Variants in FKBP7 observed in about 807,000 individuals in gnomAD.
FKBP7 encodes FKBP prolyl isomerase 7, also known as peptidyl-prolyl cis-trans isomerase FKBP7.
FKBP7 carries 24 observed loss-of-function variants against 24.3 expected under a neutral mutation model. That is an observed-to-expected ratio of 0.99 (90% CI 0.72 to 1.39). The LOEUF is 1.39. Ranked by LOEUF, FKBP7 falls within the 40% of genes most tolerant of loss-of-function variation. FKBP7 has a pLI of 0.00. For synonymous variants in FKBP7, 98 were observed against 92.8 expected, an observed-to-expected ratio of 1.06 and a Z score of -0.32; for missense variants, 257 against 269.5, an observed-to-expected ratio of 0.95 and a Z score of 0.33.
intron 3 of FKBP7, 52 bp from the exon 4 acceptor site, chr2:178,465,983 C>T (rs1385575080): frequency 1.4e-6 from 2 of 1,452,160 alleles, no homozygotes; most frequent in Non-Finnish European, 1.8e-6. Context: ...CAGTGAATTT[C>T]CAGTAACTTT....
At chr2:178,473,127 CTTCT>C in intron 2 of FKBP7, 1 of 1,297,886 alleles carries the variant, frequency 7.7e-7, no homozygotes, top group South Asian at 1.2e-5. Context: ...AGAAGAAAGA[CTTCT>C]TCAAGTACTA....
chr2:178,469,081 G>C (rs984240832), intron 3 of FKBP7, among the ~76,000 whole-genome samples: 1 of 151,792 alleles, frequency 6.6e-6, no homozygotes. Flanking sequence ...GTGTTGCCCA[G>C]GCTGGTCTTG....
chr2:178,465,993 T>G lies in FKBP7; in HGVS notation c.508-62A>C, dbSNP rs1041709137. On this transcript the variant is annotated intron_variant, in intron 3 of 3. Coordinates refer to ENST00000424785, the MANE Select transcript of FKBP7 (RefSeq NM_181342.3). ...TATCACAGTGAATTTCCAGTAACTT[T>G]AAGGAATAGTTATAATAATGAAACT... 2.2e-6 allele frequency: 3 copies of G among 1,371,214 alleles called. No individual in the cohort carries two copies. The African/African-American group carries it at 4.4e-5, about 20-fold the overall frequency. The allele number at this position is 1,371,214 out of a possible 1,614,324, so 84.9% of individuals were successfully genotyped here.
Position 178,469,905 on chromosome 2 carries a change from C to T in FKBP7, c.374-120G>A, listed in dbSNP as rs79085381. On this transcript the variant is annotated intron_variant, in intron 2 of 3. Coordinates refer to ENST00000424785, the MANE Select transcript of FKBP7 (RefSeq NM_181342.3). ...TGATAAGAATTGCTATCTGAATACT[C>T]ACAATTTTTAATTTTTTCTCATCTT... 9.9e-3 allele frequency: 7,102 copies of T among 720,504 alleles called. 59 individuals carry two copies. The highest frequency in any genetic ancestry group is 0.013 in the Non-Finnish European group (6,328 of 504,726). 44.6% of individuals were successfully genotyped at this position (720,504 alleles called of 1,614,324 possible). A position where few individuals can be genotyped will look rare whatever the true frequency, so the allele number is the denominator to read the frequency against.
intron 2 of FKBP7, among the ~76,000 whole-genome samples, chr2:178,474,709 C>A (rs149681780): frequency 6.1e-4 from 92 of 151,918 alleles, no homozygotes; most frequent in Non-Finnish European, 1.0e-3. Context: ...TTTTTTTGAG[C>A]CAGGGTCTTG....
chr2:178,469,743 A>C lies in FKBP7; in HGVS notation c.416T>G (p.Ile139Ser). The change falls in exon 3 of 4, where the codon ATT (isoleucine) becomes AGT (serine). Residue 139 changes from isoleucine to serine, a missense_variant. Physicochemically the swap from Ile to Ser is moderately radical, Grantham distance 142. Coordinates refer to ENST00000424785, the MANE Select transcript of FKBP7 (RefSeq NM_181342.3). ...IPPDATLIFE[I>S]ELYAVTKGPR... Reference sequence around the variant, plus strand: ...TCCTTTGGTCACAGCATAAAGTTCAATCTCAAAAATCAATGTAGCATCCGG... The same window carrying C: ...TCCTTTGGTCACAGCATAAAGTTCACTCTCAAAAATCAATGTAGCATCCGG... The C allele has an allele frequency of 6.2e-7, 1 of 1,613,922 alleles. No homozygotes were observed. Among genetic ancestry groups the C allele is most frequent in the Non-Finnish European group, 8.5e-7 (1 of 1,179,952 alleles).
chr2:178,463,756 T>C lies in FKBP7; in HGVS notation c.*2014A>G, dbSNP rs1452812356. 2.0e-5 allele frequency: 3 copies of C among 152,190 alleles called. No homozygotes were observed. Among genetic ancestry groups the C allele is most frequent in the African/African-American group, 7.2e-5 (3 of 41,448 alleles). 9.4% of individuals were successfully genotyped at this position (152,190 alleles called of 1,614,324 possible). The stretch of plus-strand genomic sequence containing the variant: ...CCTATTCATGTGGCATTATCTGTCA[T>C]TTTTTAAAAACAAGTTTAAAAGCAC... On this transcript the variant is annotated 3_prime_UTR_variant, in exon 4 of 4. Transcript: ENST00000424785.
At chr2:178,477,031 T>A in intron 2 of FKBP7, 31 bp downstream of exon 2, 1 of 1,502,602 alleles carries the variant, frequency 6.7e-7, no homozygotes, top group South Asian at 1.2e-5. Flanking sequence ...TAAATATAAC[T>A]AAAACAAGAA....
rs772210969 is a variant in FKBP7, at chr2:178,464,299, A to T, written c.*1471T>A. The T allele has an allele frequency of 6.6e-6, 1 of 152,204 alleles. No individual in the cohort carries two copies. Among genetic ancestry groups the T allele is most frequent in the Non-Finnish European group, 1.5e-5 (1 of 68,036 alleles). The allele number at this position is 152,204 out of a possible 1,614,324, so 9.4% of individuals were successfully genotyped here. ...ACAGAGCTATTTACTGTCTGACCAT[A>T]CTTTCCTATATATGCAGTGTAGTAG... On this transcript the variant is annotated 3_prime_UTR_variant, in exon 4 of 4. Coordinates refer to ENST00000424785, the MANE Select transcript of FKBP7 (RefSeq NM_181342.3).
At chr2:178,473,515 G>C (rs1180836876) in intron 2 of FKBP7, among the ~76,000 whole-genome samples, 1 of 152,158 alleles carries the variant, frequency 6.6e-6, no homozygotes, top group Non-Finnish European at 1.5e-5. Flanking sequence ...AGGCAGCCTG[G>C]GTAGTCATTC....
Position 178,465,701 on chromosome 2 carries a change from A to G in FKBP7, c.*69T>C, listed in dbSNP as rs1181520860. The G allele has an allele frequency of 7.3e-7, 1 of 1,374,920 alleles. No individual in the cohort carries two copies. The highest frequency in any genetic ancestry group is 9.6e-7 in the Non-Finnish European group (1 of 1,044,052). 85.2% of individuals were successfully genotyped at this position (1,374,920 alleles called of 1,614,324 possible). ...GAAAAATAGCAAATACAACTTGGAG[A>G]AAAGTGACTTTGTTTTATACATAAA... On this transcript the variant is annotated 3_prime_UTR_variant, in exon 4 of 4. Transcript: ENST00000424785.
chr2:178,469,714 G>C lies in FKBP7; in HGVS notation c.445C>G (p.Arg149Gly). 6.2e-7 allele frequency: 1 copy of C among 1,613,928 alleles called. No homozygotes were observed. The change falls in exon 3 of 4, where the codon CGG becomes GGG. Residue 149 changes from arginine to glycine, a missense_variant. Coordinates refer to ENST00000424785, the MANE Select transcript of FKBP7 (RefSeq NM_181342.3). ...ATTTGTTTAAATGTCTCAATGCTCC[G>C]TGGTCCTTTGGTCACAGCATAAAGT... is the stretch of plus-strand genomic sequence containing the variant. Reference protein sequence around the residue: ...IELYAVTKGPRSIETFKQIDM... With the variant: ...IELYAVTKGPGSIETFKQIDM...
At chr2:178,468,546 C>T (rs1267077695) in intron 3 of FKBP7, among the ~76,000 whole-genome samples, 1 of 151,776 alleles carries the variant, frequency 6.6e-6, no homozygotes, top group African/African-American at 2.4e-5. Flanking sequence ...CGCTTGAGCC[C>T]AGGGGTTTAA....
intron 1 of FKBP7, among the ~76,000 whole-genome samples, chr2:178,477,830 C>T (rs1685053342): frequency 6.6e-6 from 1 of 152,144 alleles, no homozygotes; most frequent in Admixed American, 6.5e-5. Flanking sequence ...CACCAGAAGT[C>T]ACCAGGGAAG....
At position 178,478,399 on chromosome 2, in the gene FKBP7, T is replaced by C. The variant is rs753882588; in HGVS notation, c.101A>G (p.Glu34Gly). The C allele has an allele frequency of 6.2e-7, 1 of 1,614,252 alleles. No individual in the cohort carries two copies. Among genetic ancestry groups the C allele is most frequent in the South Asian group, 1.1e-5 (1 of 91,090 alleles). The change falls in exon 1 of 4, where the codon GAA becomes GGA. Residue 34 changes from glutamate (E) to glycine (G), a missense_variant. Coordinates refer to ENST00000424785, the MANE Select transcript of FKBP7 (RefSeq NM_181342.3). ...QRQKKEESTE[E>G]VKIEVLHRPE... ...ACGATGCAAAACTTCTATTTTCACT[T>C]CTTCGGTGCTCTCCTCTTTCTTTTG...
chr2:178,471,805 G>A (rs957965043), intron 2 of FKBP7, among the ~76,000 whole-genome samples: 32 of 152,294 alleles, frequency 2.1e-4, no homozygotes, highest in Admixed American at 2.0e-3. Flanking sequence ...AAAAGAGTTT[G>A]TGAGTTATAG....
chr2:178,466,838 A>G (rs1684676488), intron 3 of FKBP7, among the ~76,000 whole-genome samples: 2 of 152,226 alleles, frequency 1.3e-5, no homozygotes, highest in African/African-American at 4.8e-5. Context: ...GCAATGCACA[A>G]TCATCTGGAG....
chr2:178,467,261 A>C (rs1684693715), intron 3 of FKBP7, among the ~76,000 whole-genome samples: 1 of 152,188 alleles, frequency 6.6e-6, no homozygotes. Context: ...TGGGTTCCAC[A>C]CTATTTCCAC....
Position 178,478,577 on chromosome 2 carries a change from G to T in FKBP7, c.-78C>A. 5.7e-6 allele frequency: 9 copies of T among 1,583,978 alleles called. No individual in the cohort carries two copies. Among genetic ancestry groups the T allele is most frequent in the Non-Finnish European group, 7.7e-6 (9 of 1,168,552 alleles). On this transcript the variant is annotated 5_prime_UTR_variant, in exon 1 of 4. Transcript: ENST00000424785. ...ATGTCCCGCGGCCGAGTTCCGACGCGTGGCAGGCGTTGTCCTGCGTCACAA... is the reference window on the plus strand; with the variant it reads ...ATGTCCCGCGGCCGAGTTCCGACGCTTGGCAGGCGTTGTCCTGCGTCACAA...
Sources: gnomAD v4.1 joint callset for allele counts (sites outside exome capture counted in the v4.1 genomes callset) on GRCh38, gnomAD v4.1.1 for gene constraint, MANE v1.5 for transcripts, NCBI Gene and HGNC (gene_info 2026-07-23, HGNC 2026-07-21) for gene names.